Variants in CHST12 observed in about 807,000 individuals in gnomAD.
The protein encoded by CHST12 is carbohydrate (chondroitin 4) sulfotransferase 12.
A neutral mutation model predicts 27.9 loss-of-function variants in CHST12; 23 were observed. That is an observed-to-expected ratio of 0.82 (90% CI 0.59 to 1.17). The LOEUF (loss-of-function observed/expected upper bound fraction) is 1.17, where lower values mean the gene tolerates loss of function less well. CHST12 is among the 50% of genes most tolerant of loss of function. The pLI is 0.00. For synonymous variants in CHST12, 322 were observed against 273.0 expected (o/e 1.18, Z -1.77); for missense variants, 682 against 603.0 (o/e 1.13, Z -1.37).
chr7:2,439,465 G>A lies in CHST12; in HGVS notation c.*5581G>A, dbSNP rs1329117913. 1 of 151,516 alleles carries A rather than the reference G, an allele frequency of 6.6e-6. No individual in the cohort carries two copies. The highest frequency in any genetic ancestry group is 1.5e-5 in the Non-Finnish European group (1 of 67,892). 9.4% of individuals were successfully genotyped at this position (151,516 alleles called of 1,614,324 possible). A position where few individuals can be genotyped will look rare whatever the true frequency, so the allele number is the denominator to read the frequency against. On this transcript the variant is annotated 3_prime_UTR_variant, in exon 2 of 2. Transcript: ENST00000618655. ...TTCTTTCTGTCATCCAGGCTGGAGT[G>A]CAGTGGTGTGATCATAGCTCACTGC...
rs760696935 is a variant in CHST12, at chr7:2,432,822, G to A, written c.183G>A (p.Thr61=). The part of the protein sequence containing the change: ...TPGPDRDREL[T]ADSDVDEFLD... ...GGCCGGACAGGGACAGGGAGCTCACGGCCGACTCCGATGTCGACGAGTTTC... is the reference window on the plus strand; with the variant it reads ...GGCCGGACAGGGACAGGGAGCTCACAGCCGACTCCGATGTCGACGAGTTTC... The change falls in exon 2 of 2, where the codon ACG becomes ACA. Residue 61 remains threonine (T), a synonymous_variant. Coordinates refer to ENST00000618655, the MANE Select transcript of CHST12 (RefSeq NM_018641.5). 8 of 1,613,822 alleles carry A rather than the reference G, an allele frequency of 5.0e-6. No individual in the cohort carries two copies. Among genetic ancestry groups the A allele is most frequent in the Non-Finnish European group, 6.8e-6 (8 of 1,179,876 alleles).
chr7:2,422,068 C>T (rs1374259712), intron 1 of CHST12, among the ~76,000 whole-genome samples: 1 of 152,096 alleles, frequency 6.6e-6, no homozygotes, highest in Non-Finnish European at 1.5e-5. Flanking sequence ...TTATCTAGTT[C>T]TTAGGTACAG....
Position 2,447,175 on chromosome 7 carries a change from G to A in CHST12, c.*13291G>A, listed in dbSNP as rs2906173. 108,494 of 152,110 alleles carry A rather than the reference G, an allele frequency of 0.71. 39,344 individuals are homozygous for A. The highest frequency in any genetic ancestry group is 0.85 in the East Asian group (4,368 of 5,166). 9.4% of individuals were successfully genotyped at this position (152,110 alleles called of 1,614,324 possible). On this transcript the variant is annotated 3_prime_UTR_variant, in exon 2 of 2. Coordinates refer to ENST00000618655, the MANE Select transcript of CHST12 (RefSeq NM_018641.5). The stretch of plus-strand genomic sequence containing the variant: ...GAGCCTGAAGGTCATGGGGTAGCTG[G>A]TGGAAGCAGGAAGACCCCATACAGC...
chr7:2,425,238 C>T (rs7792013), intron 1 of CHST12, among the ~76,000 whole-genome samples: 3 of 121,772 alleles, frequency 2.5e-5, no homozygotes, highest in South Asian at 5.3e-4. Context: ...AAAAAAAAAA[C>T]GTAAAAAAAC....
In CHST12 at chr7:2,433,410, C is replaced by A; in HGVS notation, c.771C>A (p.Ser257Arg). 1 of 1,609,674 alleles carries A rather than the reference C, an allele frequency of 6.2e-7. No homozygotes were observed. The highest frequency in any genetic ancestry group is 8.5e-7 in the Non-Finnish European group (1 of 1,179,916). ...PFVRLISAFR[S>R]KFELENEEFY... is the part of the protein sequence containing the mutation. ...TGCGCCTGATCTCCGCCTTCCGCAG[C>A]AAGTTCGAGCTGGAGAACGAGGAGT... The change falls in exon 2 of 2, where the codon AGC becomes AGA. Residue 257 changes from serine to arginine, a missense_variant. Ser to Arg is a moderately radical substitution (Grantham distance 110). Transcript: ENST00000618655. This position sits in a 1 kb window ranked among gnomAD's most constrained non-coding sequence, Gnocchi z 6.1.
intron 1 of CHST12, among the ~76,000 whole-genome samples, chr7:2,424,504 A>T (rs1275698628): frequency 6.6e-6 from 1 of 151,924 alleles, no homozygotes; most frequent in East Asian, 1.9e-4. Context: ...AGGCAGATAG[A>T]CTCCGAGAAG....
chr7:2,426,785 G>A (rs1281987280), intron 1 of CHST12, among the ~76,000 whole-genome samples: 1 of 152,094 alleles, frequency 6.6e-6, no homozygotes, highest in African/African-American at 2.4e-5. Context: ...GAGGTCAGGA[G>A]TTCAAGACCA....
intron 1 of CHST12, among the ~76,000 whole-genome samples, chr7:2,412,366 A>C (rs994113029): frequency 6.6e-6 from 1 of 152,218 alleles, no homozygotes; most frequent in Admixed American, 6.5e-5. Flanking sequence ...CAGGAACAGA[A>C]ACTTTCCACA....
At chr7:2,420,559 G>C (rs1781944597) in intron 1 of CHST12, among the ~76,000 whole-genome samples, 1 of 152,274 alleles carries the variant, frequency 6.6e-6, no homozygotes, top group East Asian at 1.9e-4. Flanking sequence ...TGTCATCCCA[G>C]CACTTTGGGG....
At chr7:2,425,227 CA>C (rs34629622) in intron 1 of CHST12, among the ~76,000 whole-genome samples, 1 of 136,948 alleles carries the variant, frequency 7.3e-6, no homozygotes, top group Non-Finnish European at 1.5e-5. Flanking sequence ...AAACAACAAA[CA>C]AAAAAAAAAC....
At chr7:2,405,164 G>C (rs1035206995) in intron 1 of CHST12, among the ~76,000 whole-genome samples, 27 of 152,176 alleles carry the variant, frequency 1.8e-4, no homozygotes, top group African/African-American at 6.5e-4. Context: ...AGACTGGAAG[G>C]CCGGGCGAGG....
chr7:2,430,630 T>G (rs1782248741), intron 1 of CHST12, among the ~76,000 whole-genome samples: 2 of 152,106 alleles, frequency 1.3e-5, no homozygotes, highest in African/African-American at 2.4e-5. Flanking sequence ...AATTTTGTAT[T>G]TTCAGTAGAG....
chr7:2,410,073 C>T (rs375992066), intron 1 of CHST12, among the ~76,000 whole-genome samples: 5 of 152,178 alleles, frequency 3.3e-5, no homozygotes, highest in East Asian at 1.9e-4. Context: ...TGAGCCGCCA[C>T]GCCCGGCCGA....
rs757363492 is a variant in CHST12 at position 2,432,636 on chromosome 7, C to T, written c.-4C>T. On this transcript the variant is annotated 5_prime_UTR_variant, in exon 2 of 2. Transcript: ENST00000618655. Reference sequence around the variant, plus strand: ...CGGAGAGGGCCCAGCCCGCCCGGGGCAGGATGACCAAGGCCCGGCTGTTCC... The same window carrying T: ...CGGAGAGGGCCCAGCCCGCCCGGGGTAGGATGACCAAGGCCCGGCTGTTCC... 3 of 1,603,576 alleles carry T rather than the reference C, an allele frequency of 1.9e-6. No homozygotes were observed. In the South Asian group the frequency reaches 3.3e-5, roughly 18 times the overall value.
intron 1 of CHST12, among the ~76,000 whole-genome samples, chr7:2,415,098 G>T (rs865952486): frequency 6.6e-6 from 1 of 152,214 alleles, no homozygotes; most frequent in Non-Finnish European, 1.5e-5. Flanking sequence ...AGGTGTGGTG[G>T]CTCACGCCTC....
chr7:2,427,193 AAAAAG>A lies in CHST12; in HGVS notation c.-77-5368_-77-5364del, dbSNP rs562635083. 2.5e-3 allele frequency among the ~76,000 whole-genome samples: 382 copies of A among 151,894 alleles called. 1 individual carries two copies. Among genetic ancestry groups the A allele is most frequent in the Non-Finnish European group, 4.4e-3 (296 of 67,912 alleles). ...CAGCGAGACCCTGTCTCACAAAAGAAAAAAGAGAGAGAGAGAGACATACAAATGTA... is the reference window on the plus strand; with the variant it reads ...CAGCGAGACCCTGTCTCACAAAAGAAAGAGAGAGAGAGACATACAAATGTA... On this transcript the variant is annotated intron_variant, in intron 1 of 1. Transcript: ENST00000618655.
chr7:2,416,197 C>G (rs1182312399), intron 1 of CHST12, among the ~76,000 whole-genome samples: 1 of 152,166 alleles, frequency 6.6e-6, no homozygotes, highest in East Asian at 1.9e-4. Flanking sequence ...AGAAGCAACT[C>G]TTCATCTGTT....
intron 1 of CHST12, among the ~76,000 whole-genome samples, chr7:2,416,880 CCTT>C (rs1781822970): frequency 6.6e-6 from 1 of 152,094 alleles, no homozygotes; most frequent in African/African-American, 2.4e-5. Context: ...GTCACATACG[CCTT>C]CTCCGCACAG....
In CHST12 at chr7:2,434,209, G is replaced by C. The variant is rs1294607632; in HGVS notation, c.*325G>C. On this transcript the variant is annotated 3_prime_UTR_variant, in exon 2 of 2. Coordinates refer to ENST00000618655, the MANE Select transcript of CHST12 (RefSeq NM_018641.5). Reference sequence around the variant, plus strand: ...TGAGGCTGATGGAGCTGCCTCCAGGGCTAGGGCCACTCACCGGAGGAGGGC... The same window carrying C: ...TGAGGCTGATGGAGCTGCCTCCAGGCCTAGGGCCACTCACCGGAGGAGGGC... 1 of 226,712 alleles carries C rather than the reference G, an allele frequency of 4.4e-6. No homozygotes were observed. Among genetic ancestry groups the C allele is most frequent in the Non-Finnish European group, 9.5e-6 (1 of 105,132 alleles). 14.0% of individuals were successfully genotyped at this position (226,712 alleles called of 1,614,324 possible).
Sources: allele counts gnomAD v4.1 joint callset (sites outside exome capture counted in the v4.1 genomes callset), GRCh38; gene constraint gnomAD v4.1.1; non-coding constraint Gnocchi (gnomAD v3.1); transcripts MANE v1.5; gene names NCBI Gene and HGNC (gene_info 2026-07-23, HGNC 2026-07-21).